Variants in DEPDC5 observed in about 807,000 individuals in gnomAD.
DEPDC5 encodes the protein GATOR1 complex protein DEPDC5.
DEPDC5 carries 73 observed loss-of-function variants against 217.3 expected under a neutral mutation model. The ratio of observed to expected loss-of-function variants is 0.34; its 90% CI spans 0.28 to 0.41. DEPDC5 has a LOEUF of 0.41. Ranked by LOEUF, DEPDC5 falls within the 10% of genes least tolerant of loss-of-function variation. DEPDC5 has a pLI of 1.00. For missense variants in DEPDC5, 1,675 were observed against 2,070.1 expected, an observed-to-expected ratio of 0.81 and a Z score of 3.70; for synonymous variants, 733 against 756.7, an observed-to-expected ratio of 0.97 and a Z score of 0.51.
intron 33 of DEPDC5, 111 bp downstream of exon 33, chr22:31,861,544 C>A: frequency 1.8e-6 from 2 of 1,131,984 alleles, no homozygotes; most frequent in Non-Finnish European, 2.6e-6. Context: ...GTTTGGGGGG[C>A]AGTTGAACTT....
intron 31 of DEPDC5, among the ~76,000 whole-genome samples, 179 bp from the exon 32 acceptor site, chr22:31,857,266 G>C (rs759960065): frequency 2.3e-4 from 35 of 152,168 alleles, no homozygotes; most frequent in Admixed American, 6.5e-4. Flanking sequence ...GTGGAGGACT[G>C]GTGATTGTTC....
At chr22:31,835,490 G>C (rs922012650) in intron 25 of DEPDC5, among the ~76,000 whole-genome samples, 1 of 152,144 alleles carries the variant, frequency 6.6e-6, no homozygotes, top group Non-Finnish European at 1.5e-5. Flanking sequence ...CTAAGCATTT[G>C]AACAGTCTGT....
At chr22:31,879,948 C>A in intron 38 of DEPDC5, 196 bp downstream of exon 38, 1 of 594,534 alleles carries the variant, frequency 1.7e-6, no homozygotes. Flanking sequence ...ACTGTCCCAA[C>A]CAACAGACGG....
intron 24 of DEPDC5, among the ~76,000 whole-genome samples, chr22:31,825,136 T>A (rs1481170135): frequency 1.3e-5 from 2 of 152,142 alleles, no homozygotes; most frequent in African/African-American, 2.4e-5. Context: ...TTGACTATAC[T>A]TGAACTAGTT....
chr22:31,888,349 A>C (rs1367366420), intron 38 of DEPDC5, among the ~76,000 whole-genome samples: 1 of 141,692 alleles, frequency 7.1e-6, no homozygotes, highest in African/African-American at 2.7e-5. Context: ...TCCCGGTTTC[A>C]AGCAAGTCCC....
Position 31,768,847 on chromosome 22 carries a change from G to A in DEPDC5, c.397G>A (p.Glu133Lys), listed in dbSNP as rs1341691013. 6.2e-7 allele frequency: 1 copy of A among 1,613,712 alleles called. No homozygotes were observed. Among genetic ancestry groups the A allele is most frequent in the East Asian group, 2.2e-5 (1 of 44,870 alleles). The change falls in exon 7 of 43, where the codon GAG becomes AAG. Residue 133 changes from glutamate to lysine, a missense_variant. This residue lies in a region of DEPDC5 where 628 missense variants were observed against 762.1 expected (regional missense o/e 0.82). Transcript: ENST00000651528. Reference sequence around the variant, plus strand: ...ATGTGCCTATATCACCCAGAAGGTGGAGTTTGCTGGCATCAGGTAGATATT... The same window carrying A: ...ATGTGCCTATATCACCCAGAAGGTGAAGTTTGCTGGCATCAGGTAGATATT... ...STCAYITQKVEFAGIRAQAGE... is the reference protein window; with the variant it reads ...STCAYITQKVKFAGIRAQAGE...
Position 31,862,673 on chromosome 22 carries a change from GCCCA to G in DEPDC5, c.3330+1242_3330+1245del, listed in dbSNP as rs769313431. ...AGTGACTGAGCTCTTATATCATTCT[GCCCA>G]CTGCACTGGGAGGGTAAGGGTTTAG... is the stretch of plus-strand genomic sequence containing the variant. On this transcript the variant is annotated intron_variant, in intron 33 of 42. Transcript: ENST00000651528. Among the ~76,000 whole-genome samples, 107 of 152,324 alleles carry G rather than the reference GCCCA, an allele frequency of 7.0e-4. 1 individual carries two copies. Among genetic ancestry groups the G allele is most frequent in the South Asian group, 1.2e-3 (6 of 4,826 alleles).
intron 39 of DEPDC5, among the ~76,000 whole-genome samples, chr22:31,895,698 T>A (rs1165162954): frequency 6.6e-6 from 1 of 151,986 alleles, no homozygotes; most frequent in African/African-American, 2.4e-5. Flanking sequence ...CAGCAGGTTT[T>A]TTTTTTTGTC....
intron 24 of DEPDC5, among the ~76,000 whole-genome samples, chr22:31,823,320 A>C (rs1464305619): frequency 6.6e-6 from 1 of 152,112 alleles, no homozygotes; most frequent in Admixed American, 6.5e-5. Flanking sequence ...ACTTGAGGTC[A>C]GGAGTTCGAG....
At chr22:31,832,809 T>G (rs1020470978) in intron 24 of DEPDC5, among the ~76,000 whole-genome samples, 1 of 152,248 alleles carries the variant, frequency 6.6e-6, no homozygotes, top group Admixed American at 6.5e-5. Flanking sequence ...CTATATCTTC[T>G]GGATGCAAGT....
At chr22:31,868,437 TA>T (rs1188976084) in intron 33 of DEPDC5, among the ~76,000 whole-genome samples, 10 of 152,118 alleles carry the variant, frequency 6.6e-5, no homozygotes, top group African/African-American at 2.4e-4. Flanking sequence ...TTTATTTATT[TA>T]TTTTTTTGAG....
At chr22:31,755,318 T>C (rs2075230033) in intron 2 of DEPDC5, 1 of 342,034 alleles carries the variant, frequency 2.9e-6, no homozygotes, top group Admixed American at 4.6e-5. Flanking sequence ...TATCAGTTTT[T>C]ACATTGAGTG....
intron 4 of DEPDC5, among the ~76,000 whole-genome samples, chr22:31,763,585 C>T (rs2082580254): frequency 6.6e-6 from 1 of 151,920 alleles, no homozygotes; most frequent in Non-Finnish European, 1.5e-5. Context: ...GCTAAGACCC[C>T]AGACGCCCAG....
intron 24 of DEPDC5, chr22:31,826,447 A>G (rs762472840): frequency 4.9e-5 from 21 of 427,546 alleles, no homozygotes; most frequent in Non-Finnish European, 8.8e-5. Flanking sequence ...TGTGCTCCTC[A>G]AAAGAACTGT....
chr22:31,766,757 T>A, intron 6 of DEPDC5, 89 bp downstream of exon 6: 10 of 1,182,116 alleles, frequency 8.5e-6, no homozygotes, highest in Non-Finnish European at 1.2e-5. Flanking sequence ...TAAAATCGTT[T>A]CTGATTTTAT....
chr22:31,906,978 T>C lies in DEPDC5; in HGVS notation c.*481T>C, dbSNP rs1388566385. On this transcript the variant is annotated 3_prime_UTR_variant, in exon 43 of 43. Transcript: ENST00000651528. This position sits in a 1 kb window ranked among gnomAD's most constrained non-coding sequence, Gnocchi z 5.1. ...GACTCTCACCAACTGTATATACCTGTACATATCAGAAGCAAATAAAGAGCT... is the reference window on the plus strand; with the variant it reads ...GACTCTCACCAACTGTATATACCTGCACATATCAGAAGCAAATAAAGAGCT... The C allele has an allele frequency of 1.8e-5, 3 of 170,066 alleles. No individual in the cohort carries two copies. In the East Asian group the frequency reaches 4.7e-4, roughly 26 times the overall value. 10.5% of individuals were successfully genotyped at this position (170,066 alleles called of 1,614,324 possible). A position where few individuals can be genotyped will look rare whatever the true frequency, so the allele number is the denominator to read the frequency against.
At chr22:31,884,942 C>A (rs2093269795) in intron 38 of DEPDC5, among the ~76,000 whole-genome samples, 1 of 152,194 alleles carries the variant, frequency 6.6e-6, no homozygotes, top group African/African-American at 2.4e-5. Flanking sequence ...TTCAGTTTAC[C>A]TTTTAGTTAC....
intron 33 of DEPDC5, among the ~76,000 whole-genome samples, chr22:31,866,382 T>C (rs2092689861): frequency 6.6e-6 from 1 of 152,140 alleles, no homozygotes; most frequent in Non-Finnish European, 1.5e-5. Context: ...TTCTCAGGCT[T>C]TCCTTACATT....
At chr22:31,866,243 G>GT (rs890472562) in intron 33 of DEPDC5, among the ~76,000 whole-genome samples, 107 of 151,410 alleles carry the variant, frequency 7.1e-4, no homozygotes, top group African/African-American at 2.4e-3. Context: ...GAGAGGTTTG[G>GT]TTTTTTTTTA....
Sources: allele counts gnomAD v4.1 joint callset (sites outside exome capture counted in the v4.1 genomes callset), GRCh38; gene constraint gnomAD v4.1.1; regional missense constraint gnomAD v4.1.1; non-coding constraint Gnocchi (gnomAD v3.1); transcripts MANE v1.5; gene names NCBI Gene and HGNC (gene_info 2026-07-23, HGNC 2026-07-21).